Variants in PIK3C2B observed in about 807,000 individuals in gnomAD.
PIK3C2B encodes phosphatidylinositol-4-phosphate 3-kinase catalytic subunit type 2 beta, also known as phosphatidylinositol 4-phosphate 3-kinase C2 domain-containing subunit beta.
A neutral mutation model predicts 184.3 loss-of-function variants in PIK3C2B; 83 were observed. The ratio of observed to expected loss-of-function variants is 0.45; its 90% CI spans 0.38 to 0.54. The LOEUF is 0.54. Ranked by LOEUF, PIK3C2B falls within the 20% of genes least tolerant of loss-of-function variation. PIK3C2B has a pLI of 0.00. For synonymous variants in PIK3C2B, 779 were observed against 837.6 expected, an observed-to-expected ratio of 0.93 and a Z score of 1.21; for missense variants, 1,736 against 2,113.5, an observed-to-expected ratio of 0.82 and a Z score of 3.50.
chr1:204,425,271 T>C (rs1418695958), intron 32 of PIK3C2B, among the ~76,000 whole-genome samples: 1 of 152,156 alleles, frequency 6.6e-6, no homozygotes, highest in African/African-American at 2.4e-5. Context: ...GGGCTTTGTA[T>C]TGGGGCCACT....
At chr1:204,445,900 C>T in intron 16 of PIK3C2B, 56 bp downstream of exon 16, 4 of 1,260,570 alleles carry the variant, frequency 3.2e-6, no homozygotes, top group Non-Finnish European at 3.2e-6. Context: ...TGGGCAGTGT[C>T]GTGCCCTGGC....
At position 204,423,067 on chromosome 1, in the gene PIK3C2B, T is replaced by C. The variant is rs1349164834; in HGVS notation, c.*1785A>G. Reference sequence around the variant, plus strand: ...ATGGGAAATATCCAGCCAATTCTGGTTTTAAAGATTCATATCAAATTCAAA... The same window carrying C: ...ATGGGAAATATCCAGCCAATTCTGGCTTTAAAGATTCATATCAAATTCAAA... On this transcript the variant is annotated 3_prime_UTR_variant, in exon 33 of 33. Coordinates refer to ENST00000684373, the MANE Select transcript of PIK3C2B (RefSeq NM_001377334.1). The C allele has an allele frequency of 6.6e-6, 1 of 152,136 alleles. No homozygotes were observed. The highest frequency in any genetic ancestry group is 1.9e-4 in the East Asian group (1 of 5,184). 9.4% of individuals were successfully genotyped at this position (152,136 alleles called of 1,614,324 possible). A position where few individuals can be genotyped will look rare whatever the true frequency, so the allele number is the denominator to read the frequency against.
At chr1:204,431,232 G>A (rs1675038990) in intron 28 of PIK3C2B, 4 of 239,488 alleles carry the variant, frequency 1.7e-5, no homozygotes, top group South Asian at 1.2e-4. Flanking sequence ...AAGTGGAATC[G>A]TGCCGTTTTT....
At chr1:204,448,436 G>T (rs1266826158) in intron 14 of PIK3C2B, among the ~76,000 whole-genome samples, 1 of 152,040 alleles carries the variant, frequency 6.6e-6, no homozygotes, top group African/African-American at 2.4e-5. Context: ...CCTAACATGT[G>T]CCAGGCATTT....
rs772206807 is a variant in PIK3C2B at position 204,427,718 on chromosome 1, C to T, written c.4517G>A (p.Gly1506Glu). 3 of 1,614,076 alleles carry T rather than the reference C, an allele frequency of 1.9e-6. No individual in the cohort carries two copies. The highest frequency in any genetic ancestry group is 2.5e-6 in the Non-Finnish European group (3 of 1,179,930). Residue 1506 changes from glycine to glutamate, a missense_variant, in exon 31 of 33, where the codon GGG becomes GAG. Around this residue, in one of 8 missense-constraint regions of PIK3C2B, gnomAD observed 95 missense variants for 164.2 expected, o/e 0.58. Coordinates refer to ENST00000684373, the MANE Select transcript of PIK3C2B (RefSeq NM_001377334.1). Reference protein sequence around the residue: ...TWARPVGKVGGEVKLSISYKN... With the variant: ...TWARPVGKVGEEVKLSISYKN... ...GTAGGAGATGGACAGCTTCACCTCCCCTCCCACCTTTCCGACGGGCCGGGC... is the reference window on the plus strand; with the variant it reads ...GTAGGAGATGGACAGCTTCACCTCCTCTCCCACCTTTCCGACGGGCCGGGC...
intron 21 of PIK3C2B, among the ~76,000 whole-genome samples, 182 bp downstream of exon 21, chr1:204,441,289 T>C (rs1397234602): frequency 1.3e-5 from 2 of 152,182 alleles, no homozygotes; most frequent in Admixed American, 6.5e-5. Context: ...TAACACTCTG[T>C]TGTTAGGCCT....
At chr1:204,489,732 G>C in intron 1 of PIK3C2B, 1 of 393,152 alleles carries the variant, frequency 2.5e-6, no homozygotes, top group Non-Finnish European at 4.5e-6. Context: ...GGCTCTTAGG[G>C]AGACGTCAAT....
rs186916251 is a variant in PIK3C2B at position 204,469,885 on chromosome 1, G to A, written c.-83C>T. 256 of 823,418 alleles carry A rather than the reference G, an allele frequency of 3.1e-4. No homozygotes were observed. In the African/African-American group the frequency reaches 3.7e-3, roughly 12 times the overall value. The allele number at this position is 823,418 out of a possible 1,614,324, so 51.0% of individuals were successfully genotyped here. ...GAGGGTTGTGACATGGTGTCTGGGC[G>A]CCTGCAGGTGAGGGGTAAAAATATC... On this transcript the variant is annotated splice_region_variant and 5_prime_UTR_variant, in exon 2 of 33. Transcript: ENST00000684373.
At chr1:204,480,699 C>T (rs1313744840) in intron 1 of PIK3C2B, among the ~76,000 whole-genome samples, 3 of 151,782 alleles carry the variant, frequency 2.0e-5, no homozygotes, top group Non-Finnish European at 2.9e-5. Flanking sequence ...GGTGGGCTGC[C>T]GGCAGCTGAC....
At chr1:204,427,497 ACCATAGGCTTG>A in intron 31 of PIK3C2B, 140 bp downstream of exon 31, 1 of 604,812 alleles carries the variant, frequency 1.7e-6, no homozygotes, top group Non-Finnish European at 3.0e-6. Context: ...GCCTAGTCAT[ACCATAGGCTTG>A]CTATGGTTAT....
chr1:204,425,655 G>A lies in PIK3C2B; in HGVS notation c.4674C>T (p.Thr1558=). The A allele has an allele frequency of 6.2e-7, 1 of 1,614,032 alleles. No individual in the cohort carries two copies. The highest frequency in any genetic ancestry group is 8.5e-7 in the Non-Finnish European group (1 of 1,179,982). Residue 1558 remains threonine, a synonymous_variant, in exon 32 of 33, where the codon ACC becomes ACT. Transcript: ENST00000684373. ...PDPQKTTKRK[T]KVARKTCNPT... is the part of the protein sequence containing the mutation. ...GATTGCAGGTTTTCCGGGCCACTTTGGTTTTCCTCTTAGTGGTTTTCTGAG... is the reference window on the plus strand; with the variant it reads ...GATTGCAGGTTTTCCGGGCCACTTTAGTTTTCCTCTTAGTGGTTTTCTGAG...
At chr1:204,464,918 A>C (rs569231306) in intron 3 of PIK3C2B, among the ~76,000 whole-genome samples, 1 of 152,194 alleles carries the variant, frequency 6.6e-6, no homozygotes, top group Non-Finnish European at 1.5e-5. Flanking sequence ...TTAGTTCCAG[A>C]TAACACTCTT....
chr1:204,426,602 C>T (rs1156455953), intron 31 of PIK3C2B, among the ~76,000 whole-genome samples: 1 of 152,196 alleles, frequency 6.6e-6, no homozygotes, highest in Non-Finnish European at 1.5e-5. Flanking sequence ...ATCTTCTATG[C>T]CATATATTTT....
intron 3 of PIK3C2B, 47 bp downstream of exon 3, chr1:204,465,172 C>CCACCCCCCAAGCCCCCCCCAA: frequency 1.2e-6 from 1 of 820,644 alleles, no homozygotes; most frequent in Non-Finnish European, 2.1e-6. Context: ...CCCCCCTCCC[C>CCACCCCCCAAGCCCCCCCCAA]ATCCCCCATA....
intron 29 of PIK3C2B, chr1:204,429,058 AC>A: frequency 9.0e-6 from 3 of 333,446 alleles, no homozygotes; most frequent in Non-Finnish European, 1.8e-5. Flanking sequence ...CCCTGTCTTT[AC>A]AAAAAAAAAA....
At chr1:204,465,169 CCCCAT>C in intron 3 of PIK3C2B, 45 bp downstream of exon 3, 1 of 760,068 alleles carries the variant, frequency 1.3e-6, no homozygotes, top group Non-Finnish European at 2.3e-6. Context: ...TGGCCCCCCT[CCCCAT>C]CCCCCATAGC....
chr1:204,444,616 C>T (rs940828659), intron 16 of PIK3C2B, among the ~76,000 whole-genome samples, 192 bp from the exon 17 acceptor site: 12 of 152,158 alleles, frequency 7.9e-5, no homozygotes, highest in Admixed American at 7.2e-4. Flanking sequence ...GCCTTCCTCA[C>T]GGTCAGAGTC....
chr1:204,450,851 T>C (rs1389359798), intron 12 of PIK3C2B, among the ~76,000 whole-genome samples: 3 of 152,176 alleles, frequency 2.0e-5, no homozygotes, highest in African/African-American at 7.2e-5. Context: ...GGACCCACGT[T>C]ACCTTTCGGG....
At chr1:204,425,792 C>T in intron 31 of PIK3C2B, 51 bp from the exon 32 acceptor site, 1 of 1,553,080 alleles carries the variant, frequency 6.4e-7, no homozygotes, top group South Asian at 1.1e-5. Context: ...ACATCTGTCT[C>T]TTCACCACCA....
Sources: gnomAD v4.1 joint callset for allele counts (sites outside exome capture counted in the v4.1 genomes callset) on GRCh38, gnomAD v4.1.1 for gene constraint, gnomAD v4.1.1 regional missense constraint, MANE v1.5 for transcripts, NCBI Gene and HGNC (gene_info 2026-07-23, HGNC 2026-07-21) for gene names.